The following PPP2R2C variants were observed in gnomAD, a reference collection of about 807,000 sequenced individuals.
PPP2R2C encodes the protein protein phosphatase 2, regulatory subunit B, gamma.
Under a neutral mutation model 45.3 loss-of-function variants are expected in PPP2R2C, and 10 were observed. The observed-to-expected ratio is 0.22, with a 90% confidence interval of 0.14 to 0.37. PPP2R2C has a LOEUF of 0.37. Among genes scored for constraint, PPP2R2C ranks in the 10% least tolerant of loss-of-function variants. The pLI is 1.00. For missense variants in PPP2R2C, 308 were observed against 619.7 expected (o/e 0.50, Z 5.34); for synonymous variants, 257 against 245.4 (o/e 1.05, Z -0.44).
intron 5 of PPP2R2C, among the ~76,000 whole-genome samples, chr4:6,367,767 G>C (rs190099190): frequency 1.3e-5 from 2 of 152,184 alleles, no homozygotes; most frequent in Non-Finnish European, 2.9e-5. Context: ...GCACCCCATG[G>C]GGAGCCAAGC....
chr4:6,349,067 A>C (rs1323562171), intron 5 of PPP2R2C: 1 of 985,370 alleles, frequency 1.0e-6, no homozygotes, highest in Non-Finnish European at 1.2e-6. Flanking sequence ...CCAGCAGCAG[A>C]TCAGAATCTC....
chr4:6,361,675 C>A (rs1431295067), intron 5 of PPP2R2C, among the ~76,000 whole-genome samples: 2 of 152,202 alleles, frequency 1.3e-5, no homozygotes, highest in African/African-American at 2.4e-5. Flanking sequence ...GTGCTTGTCA[C>A]CCCCTGGGAG....
chr4:6,350,299 C>A, intron 5 of PPP2R2C: 8 of 985,486 alleles, frequency 8.1e-6, no homozygotes, highest in Non-Finnish European at 8.4e-6. Context: ...GCTGCCCGCT[C>A]GGAGCAGCTC....
chr4:6,408,948 C>T, intron 1 of PPP2R2C, among the ~76,000 whole-genome samples: 1 of 134,144 alleles, frequency 7.5e-6, no homozygotes, highest in African/African-American at 2.8e-5. Context: ...TTTTTTTAAA[C>T]ATTAAAAGAT....
chr4:6,414,177 T>A (rs527975102), intron 1 of PPP2R2C: 12 of 930,502 alleles, frequency 1.3e-5, no homozygotes, highest in African/African-American at 1.2e-4. Context: ...GCCTTTTTCC[T>A]CCTCCTGGCT....
upstream of PPP2R2C, among the ~76,000 whole-genome samples, chr4:6,472,631 C>T (rs964882561): frequency 3.4e-5 from 5 of 147,272 alleles, no homozygotes; most frequent in African/African-American, 1.2e-4. Context: ...GCTGGGGCCG[C>T]CGCCGCCGCC....
intron 2 of PPP2R2C, among the ~76,000 whole-genome samples, chr4:6,503,411 C>T (rs1723122254): frequency 1.3e-5 from 2 of 152,330 alleles, no homozygotes; most frequent in Admixed American, 1.3e-4. Flanking sequence ...GCCCAGTTGC[C>T]TCCCCTCCCA....
chr4:6,413,775 T>C, intron 1 of PPP2R2C: 1 of 1,238,762 alleles, frequency 8.1e-7, no homozygotes, highest in East Asian at 2.6e-5. Context: ...TCACTGAGAC[T>C]CTGAGAAGTG....
At chr4:6,410,857 A>C (rs1178721694) in intron 1 of PPP2R2C, among the ~76,000 whole-genome samples, 6 of 146,164 alleles carry the variant, frequency 4.1e-5, no homozygotes, top group African/African-American at 1.6e-4. Flanking sequence ...TTATTTATTT[A>C]TTTATTTATT....
intron 2 of PPP2R2C, among the ~76,000 whole-genome samples, chr4:6,525,847 G>A (rs1222244078): frequency 1.3e-5 from 2 of 152,038 alleles, no homozygotes; most frequent in Non-Finnish European, 2.9e-5. Flanking sequence ...GGGACTACAG[G>A]CACTCGTCAC....
chr4:6,341,592 A>C (rs1031662891), intron 6 of PPP2R2C, among the ~76,000 whole-genome samples: 3 of 152,186 alleles, frequency 2.0e-5, no homozygotes, highest in African/African-American at 7.2e-5. Context: ...TGCACCTGTT[A>C]TCTCACATGG....
chr4:6,432,994 C>T (rs1222543029), intron 1 of PPP2R2C, among the ~76,000 whole-genome samples: 3 of 152,166 alleles, frequency 2.0e-5, no homozygotes, highest in African/African-American at 7.2e-5. Flanking sequence ...TATATTTCCT[C>T]TTCCTTATGA....
At chr4:6,420,720 C>G (rs530715527) in intron 1 of PPP2R2C, among the ~76,000 whole-genome samples, 2 of 152,248 alleles carry the variant, frequency 1.3e-5, no homozygotes, top group African/African-American at 2.4e-5. Context: ...AATGGAAAAG[C>G]TGATGCCCAG....
chr4:6,477,170 C>T (rs747532269), upstream of PPP2R2C, among the ~76,000 whole-genome samples: 4 of 152,062 alleles, frequency 2.6e-5, no homozygotes, highest in Non-Finnish European at 4.4e-5. Context: ...ATCACTTGAG[C>T]CTTGGAGACA....
At chr4:6,491,945 C>T (rs767969784) in intron 2 of PPP2R2C, among the ~76,000 whole-genome samples, 13 of 152,220 alleles carry the variant, frequency 8.5e-5, no homozygotes, top group Non-Finnish European at 1.5e-4. Context: ...TATAGCAATG[C>T]GAGAACAGAC....
At chr4:6,535,127 C>A in intron 2 of PPP2R2C, 2 of 957,254 alleles carry the variant, frequency 2.1e-6, no homozygotes, top group South Asian at 1.6e-5. Context: ...GCCCAGGGGC[C>A]AGAGCAGGGG....
intron 1 of PPP2R2C, among the ~76,000 whole-genome samples, chr4:6,468,530 A>G (rs1310049121): frequency 6.6e-6 from 1 of 152,148 alleles, no homozygotes; most frequent in Non-Finnish European, 1.5e-5. Context: ...CTCTGGCCTC[A>G]GCTGAAAAGT....
At position 6,386,307 on chromosome 4, in the gene PPP2R2C, C is replaced by G. The variant is rs144381939; in HGVS notation, c.71-5213G>C. 1.8e-3 allele frequency among the ~76,000 whole-genome samples: 277 copies of G among 152,314 alleles called. 1 individual carries two copies. Among genetic ancestry groups the G allele is most frequent in the African/African-American group, 6.1e-3 (253 of 41,540 alleles). ...ACTCAGACGGAAAGCCAGAGTCTCA[C>G]TGGCTTGATAGAGCAGCAAACAGAG... is the stretch of plus-strand genomic sequence containing the variant. On this transcript the variant is annotated intron_variant, in intron 1 of 8. Transcript: ENST00000382599.
chr4:6,380,297 TC>T (rs1200878513), intron 2 of PPP2R2C: 1 of 152,352 alleles, frequency 6.6e-6, no homozygotes, highest in Non-Finnish European at 1.5e-5. Flanking sequence ...GCAAGTGTTC[TC>T]AGTAAATGGG....
Sources: allele counts gnomAD v4.1 joint callset (sites outside exome capture counted in the v4.1 genomes callset), GRCh38; gene constraint gnomAD v4.1.1; transcripts MANE v1.5; gene names NCBI Gene and HGNC (gene_info 2026-07-23, HGNC 2026-07-21).